The following LCT variants were observed in gnomAD, a reference collection of about 807,000 sequenced individuals.
The protein encoded by LCT is lactase.
In LCT, 90 loss-of-function variants were observed where a neutral mutation model predicts 173.0. The ratio of observed to expected loss-of-function variants is 0.52; its 90% CI spans 0.44 to 0.62. The LOEUF is 0.62. Ranked by LOEUF, LCT falls within the 20% of genes least tolerant of loss-of-function variation. LCT has a pLI of 0.00. For synonymous variants in LCT, 853 were observed against 957.6 expected, an observed-to-expected ratio of 0.89 and a Z score of 2.02; for missense variants, 1,864 against 2,431.4, an observed-to-expected ratio of 0.77 and a Z score of 4.91.
chr2:135,805,799 ATAAC>A (rs1390208596), intron 9 of LCT, among the ~76,000 whole-genome samples: 1 of 152,220 alleles, frequency 6.6e-6, no homozygotes. Flanking sequence ...TGCAGCCATC[ATAAC>A]GTTGTAGAGC....
At chr2:135,807,835 G>A (rs1015464507) in intron 8 of LCT, among the ~76,000 whole-genome samples, 1 of 150,322 alleles carries the variant, frequency 6.7e-6, no homozygotes, top group African/African-American at 2.5e-5. Context: ...GAAACAAAAA[G>A]TTGATTTTTA....
At position 135,808,601 on chromosome 2, in the gene LCT, G is replaced by A. The variant is rs57217499; in HGVS notation, c.3746C>T (p.Ala1249Val). Residue 1249 changes from alanine to valine, a missense_variant, in exon 8 of 17, where the codon GCG becomes GTG. This residue lies in a region of LCT where 755 missense variants were observed against 926.3 expected (regional missense o/e 0.82). Coordinates refer to ENST00000264162, the MANE Select transcript of LCT (RefSeq NM_002299.4). ...CAGCAGCCTTCGCGTCCCCCAGGGC[G>A]CAGCTCTGTTCATTGCCGTGGAAGG... Reference protein sequence around the residue: ...SWPSTAMNRAAPWGTRRLLNW... With the variant: ...SWPSTAMNRAVPWGTRRLLNW... The A allele has an allele frequency of 6.3e-5, 102 of 1,614,208 alleles. No individual in the cohort carries two copies. In the East Asian group the frequency reaches 1.5e-3, roughly 24 times the overall value.
chr2:135,789,004 C>T (rs998939314), intron 16 of LCT, among the ~76,000 whole-genome samples: 3 of 152,148 alleles, frequency 2.0e-5, no homozygotes, highest in African/African-American at 4.8e-5. Flanking sequence ...GTTTTGACTG[C>T]GACCTGTCAC....
chr2:135,834,170 C>G (rs2105559179), intron 1 of LCT, among the ~76,000 whole-genome samples: 1 of 152,114 alleles, frequency 6.6e-6, no homozygotes, highest in Non-Finnish European at 1.5e-5. Context: ...AATAAGGCAG[C>G]TATGATGTCC....
intron 2 of LCT, among the ~76,000 whole-genome samples, chr2:135,830,558 G>A (rs1189290628): frequency 6.6e-6 from 1 of 152,206 alleles, no homozygotes; most frequent in African/African-American, 2.4e-5. Flanking sequence ...GTTCCATTAT[G>A]GGAATGCTAA....
In LCT at chr2:135,809,551, C is replaced by T; in HGVS notation, c.2796G>A (p.Trp932Ter). 2 of 1,614,216 alleles carry T rather than the reference C, an allele frequency of 1.2e-6. No individual in the cohort carries two copies. Among genetic ancestry groups the T allele is most frequent in the Non-Finnish European group, 1.7e-6 (2 of 1,180,040 alleles). ...WDADGKGPSI[W>*]DNFTHTPGSN... The stretch of plus-strand genomic sequence containing the variant: ...TCCCTGGTGTGTGGGTAAAGTTATC[C>T]CAGATGCTGGGGCCTTTGCCATCGG... Residue 932 changes from tryptophan (W) to a stop codon, truncating the protein, a stop_gained, in exon 8 of 17, where the codon TGG becomes TGA. Transcript: ENST00000264162. LOFTEE classifies it high-confidence loss of function. The surrounding 1 kb of genome is among the most constrained non-coding windows in gnomAD (Gnocchi z 5.5).
rs1049483339 is a variant in LCT at position 135,809,133 on chromosome 2, G to C, written c.3214C>G (p.Leu1072Val). The stretch of plus-strand genomic sequence containing the variant: ...GGAAATTCCCCTGAGCCATAACCTA[G>C]CCATGCCAGGTACATGGGCTCATTA... ...TFNEPMYLAW[L>V]GYGSGEFPPG... The change falls in exon 8 of 17, where the codon CTA (leucine) becomes GTA (valine). Residue 1072 changes from leucine to valine, a missense_variant. By Grantham distance (32) the Leu-to-Val change is conservative. Around this residue, in one of 4 missense-constraint regions of LCT, gnomAD observed 755 missense variants for 926.3 expected, o/e 0.82. Coordinates refer to ENST00000264162, the MANE Select transcript of LCT (RefSeq NM_002299.4). This position sits in a 1 kb window ranked among gnomAD's most constrained non-coding sequence, Gnocchi z 5.5. 5.0e-6 allele frequency: 8 copies of C among 1,614,052 alleles called. No homozygotes were observed. Among genetic ancestry groups the C allele is most frequent in the Non-Finnish European group, 6.8e-6 (8 of 1,180,050 alleles).
intron 7 of LCT, among the ~76,000 whole-genome samples, chr2:135,810,877 A>G (rs888429708): frequency 2.0e-5 from 3 of 152,008 alleles, no homozygotes; most frequent in African/African-American, 4.8e-5. Flanking sequence ...ATACAAAAAA[A>G]TTAGCCGGGC....
chr2:135,833,202 C>A lies in LCT; in HGVS notation c.641-12G>T. The A allele has an allele frequency of 1.2e-6, 2 of 1,609,936 alleles. No individual in the cohort carries two copies. Among genetic ancestry groups the A allele is most frequent in the Non-Finnish European group, 1.7e-6 (2 of 1,176,530 alleles). On this transcript the variant is annotated splice_polypyrimidine_tract_variant and intron_variant, in intron 1 of 16. Coordinates refer to ENST00000264162, the MANE Select transcript of LCT (RefSeq NM_002299.4). ...AGAGAGTTTTCCGCCTGAAACCAAC[C>A]AGAGACACGAACAGCAGGTGAGCGA...
intron 2 of LCT, among the ~76,000 whole-genome samples, 180 bp from the exon 3 acceptor site, chr2:135,829,856 T>TGTGTGTGTG (rs1553435357): frequency 6.7e-6 from 1 of 149,294 alleles, no homozygotes; most frequent in African/African-American, 2.5e-5. Flanking sequence ...TGTGTGTGTG[T>TGTGTGTGTG]AGGGGGCGGG....
chr2:135,826,589 A>G (rs1316333217), intron 3 of LCT, among the ~76,000 whole-genome samples: 1 of 152,018 alleles, frequency 6.6e-6, no homozygotes, highest in East Asian at 1.9e-4. Flanking sequence ...GTTGTGATGG[A>G]AAAAGGGAAG....
chr2:135,823,400 A>T (rs1456849089), intron 4 of LCT, among the ~76,000 whole-genome samples: 2 of 152,220 alleles, frequency 1.3e-5, no homozygotes, highest in Non-Finnish European at 2.9e-5. Context: ...ACTAAGAGAC[A>T]CTAGGAAGAT....
intron 2 of LCT, among the ~76,000 whole-genome samples, chr2:135,832,025 T>G (rs1028115502): frequency 1.3e-5 from 2 of 152,098 alleles, no homozygotes; most frequent in Non-Finnish European, 2.9e-5. Flanking sequence ...GAGACAAGCC[T>G]GACCAACATG....
At chr2:135,834,348 G>A (rs1019112677) in intron 1 of LCT, among the ~76,000 whole-genome samples, 1 of 151,688 alleles carries the variant, frequency 6.6e-6, no homozygotes, top group Non-Finnish European at 1.5e-5. Flanking sequence ...ACCACGCCTC[G>A]CTAATTTTTT....
chr2:135,815,230 A>G (rs1485802449), intron 6 of LCT, among the ~76,000 whole-genome samples: 2 of 152,226 alleles, frequency 1.3e-5, no homozygotes, highest in East Asian at 3.8e-4. Context: ...AGACAATGGC[A>G]TTCTAACATT....
At position 135,790,240 on chromosome 2, in the gene LCT, C is replaced by T. The variant is rs2077522719; in HGVS notation, c.5335+418G>A. On this transcript the variant is annotated intron_variant, in intron 15 of 16. Transcript: ENST00000264162. The surrounding 1 kb of genome is among the most constrained non-coding windows in gnomAD (Gnocchi z 4.1). ...TTTTACTCAGCATTTGTTCCATTCT[C>T]TTATCCTCATGGTCCCATCTCAAGT... Among the ~76,000 whole-genome samples, 1 of 152,188 alleles carries T rather than the reference C, an allele frequency of 6.6e-6. No homozygotes were observed. Among genetic ancestry groups the T allele is most frequent in the Non-Finnish European group, 1.5e-5 (1 of 68,038 alleles).
intron 2 of LCT, 73 bp from the exon 3 acceptor site, chr2:135,829,749 T>C: frequency 3.8e-6 from 4 of 1,051,216 alleles, no homozygotes; most frequent in Non-Finnish European, 6.0e-6. Context: ...AGAAGTACGC[T>C]TTTTTGTTTC....
At position 135,817,536 on chromosome 2, in the gene LCT, C is replaced by A; in HGVS notation, c.1512G>T (p.Leu504=). The part of the protein sequence containing the change: ...TLFHWDLPQA[L]QDHGGWQNES... ...CATTCTGCCATCCACCATGATCCTG[C>A]AGGGCCTGAGGCAGGTCCCAGTGGA... is the stretch of plus-strand genomic sequence containing the variant. The change falls in exon 6 of 17, where the codon CTG becomes CTT. Residue 504 remains leucine, a synonymous_variant. Transcript: ENST00000264162. 1 of 1,614,150 alleles carries A rather than the reference C, an allele frequency of 6.2e-7. No homozygotes were observed. Among genetic ancestry groups the A allele is most frequent in the Non-Finnish European group, 8.5e-7 (1 of 1,180,032 alleles).
intron 16 of LCT, among the ~76,000 whole-genome samples, chr2:135,789,209 A>G (rs966301388): frequency 2.6e-5 from 4 of 152,244 alleles, no homozygotes; most frequent in Admixed American, 6.5e-5. Context: ...GGGCACCCAC[A>G]TGGTGCAGGC....
Sources: gnomAD v4.1 joint callset for allele counts (sites outside exome capture counted in the v4.1 genomes callset) on GRCh38, gnomAD v4.1.1 for gene constraint, gnomAD v4.1.1 regional missense constraint, Gnocchi (gnomAD v3.1) non-coding constraint, MANE v1.5 for transcripts, NCBI Gene and HGNC (gene_info 2026-07-23, HGNC 2026-07-21) for gene names.